Variants in SHLD2 observed in about 807,000 individuals in gnomAD.
The protein encoded by SHLD2 is RINN1-REV7-interacting novel NHEJ regulator 2.
A neutral mutation model predicts 73.2 loss-of-function variants in SHLD2; 30 were observed. The ratio of observed to expected loss-of-function variants is 0.41; its 90% CI spans 0.31 to 0.56. SHLD2 has a LOEUF of 0.56. Ranked by LOEUF, SHLD2 falls within the 20% of genes least tolerant of loss-of-function variation. SHLD2 has a pLI of 0.28. For synonymous variants in SHLD2, 285 were observed against 370.1 expected, an observed-to-expected ratio of 0.77 and a Z score of 2.64; for missense variants, 745 against 1,055.9, an observed-to-expected ratio of 0.71 and a Z score of 4.08.
At chr10:87,121,299 A>G (rs1382700539) in intron 2 of SHLD2, among the ~76,000 whole-genome samples, 3 of 151,466 alleles carry the variant, frequency 2.0e-5, no homozygotes, top group Non-Finnish European at 2.9e-5. Context: ...TAATTTTTCT[A>G]TTTTTAGTAG....
intron 2 of SHLD2, among the ~76,000 whole-genome samples, chr10:87,143,663 T>C (rs1845365586): frequency 6.6e-6 from 1 of 152,128 alleles, no homozygotes; most frequent in South Asian, 2.1e-4. Flanking sequence ...TAAAGTGTAT[T>C]AGAAGGCACA....
chr10:87,095,901 A>G (rs560159438), intron 1 of SHLD2, among the ~76,000 whole-genome samples: 11 of 152,332 alleles, frequency 7.2e-5, no homozygotes, highest in African/African-American at 2.6e-4. Context: ...ACTGCACCCC[A>G]GCCTGGGCAA....
chr10:87,170,134 C>A (rs992313055), intron 4 of SHLD2, among the ~76,000 whole-genome samples: 3 of 152,076 alleles, frequency 2.0e-5, no homozygotes, highest in Non-Finnish European at 4.4e-5. Flanking sequence ...GACTGGGGAA[C>A]CAATTGGCTG....
intron 4 of SHLD2, among the ~76,000 whole-genome samples, chr10:87,166,277 T>G (rs1203524640): frequency 4.6e-5 from 7 of 151,638 alleles, no homozygotes; most frequent in Admixed American, 1.3e-4. Context: ...TACAAACAAA[T>G]TATTAGAAAT....
intron 2 of SHLD2, among the ~76,000 whole-genome samples, chr10:87,113,711 TAAA>T (rs1335582067): frequency 1.3e-5 from 2 of 151,964 alleles, no homozygotes; most frequent in Non-Finnish European, 2.9e-5. Context: ...CTATGTCAAT[TAAA>T]AAAAAGTATA....
At chr10:87,119,234 TAATA>T (rs1438918949) in intron 2 of SHLD2, among the ~76,000 whole-genome samples, 1 of 151,746 alleles carries the variant, frequency 6.6e-6, no homozygotes, top group Non-Finnish European at 1.5e-5. Context: ...CCAACTGACA[TAATA>T]AGCAAAACCT....
chr10:87,112,470 G>T (rs1426126944), intron 2 of SHLD2, among the ~76,000 whole-genome samples: 1 of 152,056 alleles, frequency 6.6e-6, no homozygotes, highest in East Asian at 1.9e-4. Flanking sequence ...TTAGAGACCA[G>T]CCTGGGCAAC....
At position 87,147,089 on chromosome 10, in the gene SHLD2, C is replaced by CA. The variant is rs1214586181; in HGVS notation, c.-5-4254dup. ...AAAAAAAAGAAAAAAAAAAAAAAAA[C>CA]AAAAAAACCTTGTGTTTTATGGATC... On this transcript the variant is annotated intron_variant, in intron 2 of 9. Transcript: ENST00000298786. Among the ~76,000 whole-genome samples, 8 of 99,234 alleles carry CA rather than the reference C, an allele frequency of 8.1e-5. No homozygotes were observed. The South Asian group carries it at 1.1e-3, about 13-fold the overall frequency. The allele number at this position is 99,234 out of a possible 152,430, so 65.1% of individuals were successfully genotyped here.
At chr10:87,099,633 G>A (rs1445943144) in intron 2 of SHLD2, among the ~76,000 whole-genome samples, 2 of 152,162 alleles carry the variant, frequency 1.3e-5, no homozygotes, top group Admixed American at 6.5e-5. Flanking sequence ...TTTTGTGTGT[G>A]CATATGTTTT....
chr10:87,108,614 T>A (rs1339358624), intron 2 of SHLD2, among the ~76,000 whole-genome samples: 1 of 152,214 alleles, frequency 6.6e-6, no homozygotes, highest in Non-Finnish European at 1.5e-5. Context: ...CAACTTCATT[T>A]CTAAATAACT....
rs201841005 is a variant in SHLD2 at position 87,168,598 on chromosome 10, C to CA, written c.1634-1872dup. ...TGGGCAATAGAGTGACACCTTGTCT[C>CA]AAAAAAAATAAATAAATAAATAAAT... On this transcript the variant is annotated intron_variant, in intron 4 of 9. Coordinates refer to ENST00000298786, the MANE Select transcript of SHLD2 (RefSeq NM_001330112.2). Among the ~76,000 whole-genome samples the CA allele has an allele frequency of 4.3e-5, 6 of 140,438 alleles. No individual in the cohort carries two copies. The East Asian group carries it at 8.0e-4, about 19-fold the overall frequency. The allele number at this position is 140,438 out of a possible 152,430, so 92.1% of individuals were successfully genotyped here.
In SHLD2 at chr10:87,147,894, G is replaced by T. The variant is rs181836476; in HGVS notation, c.-5-3456G>T. Among the ~76,000 whole-genome samples, 854 of 150,308 alleles carry T rather than the reference G, an allele frequency of 5.7e-3. 6 individuals are homozygous for T. The highest frequency in any genetic ancestry group is 0.019 in the African/African-American group (758 of 40,862). ...ACTTTTTTTTTTTTTTTGAGACAGA[G>T]TCACCCAGACTGGAGTGCAGTGGTG... On this transcript the variant is annotated intron_variant, in intron 2 of 9. Coordinates refer to ENST00000298786, the MANE Select transcript of SHLD2 (RefSeq NM_001330112.2).
Position 87,155,466 on chromosome 10 carries a change from G to GT in SHLD2, c.1526-2575dup, listed in dbSNP as rs199719463. On this transcript the variant is annotated intron_variant, in intron 3 of 9. Coordinates refer to ENST00000298786, the MANE Select transcript of SHLD2 (RefSeq NM_001330112.2). ...CAGCATGAGAACAGGCTGAAATACTGTTTTTTTGGGCAATTAATGCCTCAT... is the reference window on the plus strand; with the variant it reads ...CAGCATGAGAACAGGCTGAAATACTGTTTTTTTTGGGCAATTAATGCCTCAT... Among the ~76,000 whole-genome samples the GT allele has an allele frequency of 0.021, 3,145 of 151,690 alleles. 235 individuals are homozygous for GT. In the East Asian group the frequency reaches 0.25, roughly 12 times the overall value.
At chr10:87,117,658 G>T (rs1444551267) in intron 2 of SHLD2, among the ~76,000 whole-genome samples, 1 of 152,100 alleles carries the variant, frequency 6.6e-6, no homozygotes, top group African/African-American at 2.4e-5. Context: ...AGTCAGGTAT[G>T]GTGGCATGCA....
intron 2 of SHLD2, among the ~76,000 whole-genome samples, chr10:87,127,138 GC>G (rs1320465229): frequency 6.6e-6 from 1 of 151,298 alleles, no homozygotes; most frequent in East Asian, 2.0e-4. Flanking sequence ...TTTGTTTATT[GC>G]CTGGGATCCC....
rs748430688 is a variant in SHLD2, at chr10:87,152,126, A to G, written c.772A>G (p.Lys258Glu). ...SSQVAFLAQK[K>E]DKRRSPVNKG... ...CCAGGTTGCTTTTTTAGCTCAAAAG[A>G]AAGATAAAAGGCGGAGTCCTGTAAA... is the stretch of plus-strand genomic sequence containing the variant. Residue 258 changes from lysine to glutamate, a missense_variant, in exon 3 of 10, where the codon AAA becomes GAA. Around this residue, in one of 5 missense-constraint regions of SHLD2, gnomAD observed 280 missense variants for 353.9 expected, o/e 0.79. Transcript: ENST00000298786. 6.2e-7 allele frequency: 1 copy of G among 1,611,880 alleles called. No individual in the cohort carries two copies. Among genetic ancestry groups the G allele is most frequent in the East Asian group, 2.2e-5 (1 of 44,872 alleles).
At chr10:87,188,612 A>C (rs1265033131) in intron 9 of SHLD2, among the ~76,000 whole-genome samples, 1 of 152,106 alleles carries the variant, frequency 6.6e-6, no homozygotes, top group African/African-American at 2.4e-5. Flanking sequence ...CTGGCAGTTC[A>C]TTGGCTTTTT....
chr10:87,108,806 C>T (rs1842758957), intron 2 of SHLD2, among the ~76,000 whole-genome samples: 1 of 152,194 alleles, frequency 6.6e-6, no homozygotes, highest in Non-Finnish European at 1.5e-5. Flanking sequence ...GAGCCCACCC[C>T]TTCCCTTTTT....
intron 2 of SHLD2, among the ~76,000 whole-genome samples, chr10:87,132,305 A>G (rs1844486366): frequency 6.6e-6 from 1 of 152,160 alleles, no homozygotes; most frequent in South Asian, 2.1e-4. Flanking sequence ...CTCCCCCAGT[A>G]AATGGTATTA....
Sources: gnomAD v4.1 joint callset for allele counts (sites outside exome capture counted in the v4.1 genomes callset) on GRCh38, gnomAD v4.1.1 for gene constraint, gnomAD v4.1.1 regional missense constraint, MANE v1.5 for transcripts, NCBI Gene and HGNC (gene_info 2026-07-23, HGNC 2026-07-21) for gene names.